The following UNC79 variants were observed in gnomAD, a reference collection of about 807,000 sequenced individuals.
UNC79 encodes the protein protein unc-79 homolog.
In UNC79, 37 loss-of-function variants were observed where a neutral mutation model predicts 283.1. The observed-to-expected ratio is 0.13, with a 90% confidence interval of 0.10 to 0.17. The LOEUF is 0.17. Ranked by LOEUF, UNC79 falls within the 10% of genes least tolerant of loss-of-function variation. UNC79 has a pLI of 1.00. For missense variants in UNC79, 2,272 were observed against 3,211.1 expected (o/e 0.71, Z 7.07); for synonymous variants, 1,107 against 1,200.2 (o/e 0.92, Z 1.61).
chr14:93,377,256 A>G (rs182299592), intron 1 of UNC79, among the ~76,000 whole-genome samples: 13 of 151,910 alleles, frequency 8.6e-5, no homozygotes, highest in African/African-American at 3.1e-4. Context: ...TGCCTGGCTA[A>G]TTTTTGTTTT....
At chr14:93,692,425 A>G (rs1188924983) in intron 46 of UNC79, among the ~76,000 whole-genome samples, 1 of 152,242 alleles carries the variant, frequency 6.6e-6, no homozygotes, top group Non-Finnish European at 1.5e-5. Context: ...TGTATGTTGT[A>G]TGAAATATCT....
chr14:93,465,897 C>G (rs1311040260), intron 1 of UNC79, among the ~76,000 whole-genome samples: 1 of 152,180 alleles, frequency 6.6e-6, no homozygotes, highest in East Asian at 1.9e-4. Flanking sequence ...CATGTGCTGG[C>G]CTAGCATATA....
chr14:93,586,515 G>A, intron 20 of UNC79, 81 bp from the exon 21 acceptor site: 1 of 1,326,970 alleles, frequency 7.5e-7, no homozygotes, highest in East Asian at 2.4e-5. Flanking sequence ...ACTCTTCTTG[G>A]TTTTTATGAT....
rs1173855376 is a variant in UNC79, at chr14:93,593,903, C to CT, written c.3190+72dup. The CT allele has an allele frequency of 2.1e-6, 3 of 1,459,150 alleles. No homozygotes were observed. In the African/African-American group the frequency reaches 4.3e-5, roughly 21 times the overall value. The allele number at this position is 1,459,150 out of a possible 1,614,324, so 90.4% of individuals were successfully genotyped here. A position where few individuals can be genotyped will look rare whatever the true frequency, so the allele number is the denominator to read the frequency against. On this transcript the variant is annotated intron_variant, in intron 23 of 48. Transcript: ENST00000555664. ...GTACACGGGTGTCTGGTCACGGCAT[C>CT]TTTTTTGGCACCTCCTTTCTTGTCC...
chr14:93,644,373 C>T (rs1006936623), intron 34 of UNC79, among the ~76,000 whole-genome samples: 2 of 152,148 alleles, frequency 1.3e-5, no homozygotes, highest in Non-Finnish European at 2.9e-5. Context: ...GCGTGCACAA[C>T]TTATAGGAGA....
chr14:93,359,242 A>T (rs2054170289), intron 1 of UNC79, among the ~76,000 whole-genome samples: 1 of 152,252 alleles, frequency 6.6e-6, no homozygotes, highest in Non-Finnish European at 1.5e-5. Flanking sequence ...GGTCTGATGT[A>T]GAGGAAGGGA....
At chr14:93,694,825 G>C (rs8014734) in intron 47 of UNC79, among the ~76,000 whole-genome samples, 105,686 of 152,128 alleles carry the variant, frequency 0.69, 37,124 homozygotes, top group Middle Eastern at 0.78. Context: ...TGAAAATTAC[G>C]CTATTCTAAT....
At chr14:93,692,532 A>G (rs535717541) in intron 46 of UNC79, among the ~76,000 whole-genome samples, 1 of 152,322 alleles carries the variant, frequency 6.6e-6, no homozygotes, top group Admixed American at 6.5e-5. Flanking sequence ...ACCTTAGCCA[A>G]TTGGGTAATC....
At chr14:93,404,493 A>AAAAAAAAAAAT in intron 1 of UNC79, among the ~76,000 whole-genome samples, 661 of 61,488 alleles carry the variant, frequency 0.011, 38 homozygotes, top group South Asian at 0.016. Context: ...TTCTAAAAAA[A>AAAAAAAAAAAT]ATATATATAT....
intron 44 of UNC79, chr14:93,689,203 C>T (rs1262664649): frequency 4.6e-6 from 1 of 219,238 alleles, no homozygotes; most frequent in African/African-American, 2.3e-5. Context: ...GGAACAAAAG[C>T]TATAACAGGG....
chr14:93,573,140 A>G (rs568854314), intron 16 of UNC79, among the ~76,000 whole-genome samples: 1 of 152,320 alleles, frequency 6.6e-6, no homozygotes, highest in South Asian at 2.1e-4. Context: ...TTGATATTAA[A>G]CAGGTCCTTT....
intron 1 of UNC79, among the ~76,000 whole-genome samples, chr14:93,341,515 A>G (rs2053709608): frequency 6.6e-6 from 1 of 151,710 alleles, no homozygotes; most frequent in Admixed American, 6.6e-5. Context: ...CTGCAATCCT[A>G]GCACTTTCGG....
At chr14:93,336,887 G>A (rs932562027) in intron 1 of UNC79, among the ~76,000 whole-genome samples, 1 of 152,034 alleles carries the variant, frequency 6.6e-6, no homozygotes, top group Non-Finnish European at 1.5e-5. Context: ...TGTTGGAAGT[G>A]GGACCTGGTG....
At chr14:93,582,536 C>A (rs990761869) in intron 20 of UNC79, among the ~76,000 whole-genome samples, 192 bp downstream of exon 20, 2 of 152,184 alleles carry the variant, frequency 1.3e-5, no homozygotes, top group Non-Finnish European at 2.9e-5. Flanking sequence ...GAACCCAGTT[C>A]CCTGAGCATC....
intron 1 of UNC79, among the ~76,000 whole-genome samples, chr14:93,348,570 G>T (rs1018351383): frequency 3.3e-5 from 5 of 152,138 alleles, no homozygotes; most frequent in Non-Finnish European, 5.9e-5. Flanking sequence ...GTACTGCCAT[G>T]CCACACTTCA....
At chr14:93,595,429 GT>G (rs1374973154) in intron 23 of UNC79, among the ~76,000 whole-genome samples, 1 of 152,012 alleles carries the variant, frequency 6.6e-6, no homozygotes, top group Admixed American at 6.6e-5. Context: ...TTTTAATGGG[GT>G]TTTTTTGAAT....
At chr14:93,605,833 G>C (rs926123818) in intron 26 of UNC79, among the ~76,000 whole-genome samples, 6 of 152,142 alleles carry the variant, frequency 3.9e-5, no homozygotes, top group Non-Finnish European at 7.3e-5. Flanking sequence ...AAATCCCAGA[G>C]ATCAACCAGG....
Position 93,690,101 on chromosome 14 carries a change from CCTT to C in UNC79, c.7086-10_7086-8del. On this transcript the variant is annotated splice_polypyrimidine_tract_variant and intron_variant, in intron 44 of 48. Transcript: ENST00000555664. This position sits in a 1 kb window ranked among gnomAD's most constrained non-coding sequence, Gnocchi z 4.3. The stretch of plus-strand genomic sequence containing the variant: ...AAAACATAAAATCATCTTTAACACT[CCTT>C]CTTCTCTAATAGACCTAAAGAATTC... 6.2e-7 allele frequency: 1 copy of C among 1,612,414 alleles called. No individual in the cohort carries two copies. The highest frequency in any genetic ancestry group is 8.5e-7 in the Non-Finnish European group (1 of 1,178,922).
chr14:93,575,036 G>A (rs1304206284), intron 16 of UNC79, 22 bp from the exon 17 acceptor site: 1 of 1,580,432 alleles, frequency 6.3e-7, no homozygotes, highest in Middle Eastern at 1.7e-4. Context: ...TTTTTTGGGG[G>A]ATATATGCCT....
Sources: gnomAD v4.1 joint callset for allele counts (sites outside exome capture counted in the v4.1 genomes callset) on GRCh38, gnomAD v4.1.1 for gene constraint, Gnocchi (gnomAD v3.1) non-coding constraint, MANE v1.5 for transcripts, NCBI Gene and HGNC (gene_info 2026-07-23, HGNC 2026-07-21) for gene names.